The following OSTN variants were observed in gnomAD, a reference collection of about 807,000 sequenced individuals.
OSTN encodes the protein osteocrin.
Under a neutral mutation model 12.0 loss-of-function variants are expected in OSTN, and 9 were observed. The observed-to-expected ratio is 0.75, with a 90% CI of 0.45 to 1.30. The LOEUF (loss-of-function observed/expected upper bound fraction) is 1.30, where lower values mean the gene tolerates loss of function less well. Ranked by LOEUF, OSTN falls within the 50% of genes most tolerant of loss-of-function variation. OSTN has a pLI of 0.00. For missense variants in OSTN, 148 were observed against 152.3 expected (o/e 0.97, Z 0.15); for synonymous variants, 59 against 56.9 (o/e 1.04, Z -0.16).
At position 191,263,144 on chromosome 3, in the gene OSTN, T is replaced by C. The variant is rs1715849607; in HGVS notation, c.*291T>C. 1 of 374,572 alleles carries C rather than the reference T, an allele frequency of 2.7e-6. No individual in the cohort carries two copies. The highest frequency in any genetic ancestry group is 4.2e-5 in the Admixed American group (1 of 23,614). 23.2% of individuals were successfully genotyped at this position (374,572 alleles called of 1,614,324 possible). On this transcript the variant is annotated 3_prime_UTR_variant, in exon 5 of 5. Transcript: ENST00000682035. ...TTAAAAATAATAATTAAATACACAA[T>C]ACAGTGAAATGCCTTCTGTATGGAT...
At chr3:191,222,067 G>T (rs1247892622) in intron 3 of OSTN, among the ~76,000 whole-genome samples, 1 of 152,228 alleles carries the variant, frequency 6.6e-6, no homozygotes, top group Non-Finnish European at 1.5e-5. Flanking sequence ...AAGAATTGAG[G>T]TTCGCCAACT....
chr3:191,221,832 A>C (rs1714773005), intron 3 of OSTN, among the ~76,000 whole-genome samples: 1 of 152,258 alleles, frequency 6.6e-6, no homozygotes, highest in Non-Finnish European at 1.5e-5. Context: ...AGGGCATGTC[A>C]GAAGTCTTCA....
At chr3:191,254,973 G>A (rs542445301) in intron 4 of OSTN, among the ~76,000 whole-genome samples, 1 of 152,224 alleles carries the variant, frequency 6.6e-6, no homozygotes, top group South Asian at 2.1e-4. Flanking sequence ...AGATTCCTGG[G>A]CCTGTCAGAA....
At chr3:191,237,152 A>T (rs1715211259) in intron 3 of OSTN, among the ~76,000 whole-genome samples, 2 of 152,192 alleles carry the variant, frequency 1.3e-5, no homozygotes, top group African/African-American at 4.8e-5. Context: ...TCTAGGTTTT[A>T]CATGTGAAAT....
At chr3:191,241,340 G>T (rs879008778) in intron 3 of OSTN, among the ~76,000 whole-genome samples, 1 of 151,682 alleles carries the variant, frequency 6.6e-6, no homozygotes, top group African/African-American at 2.4e-5. Context: ...TCGCCAGCAC[G>T]CCCGGCTAAT....
chr3:191,243,743 T>C (rs147849099), intron 3 of OSTN, among the ~76,000 whole-genome samples: 31 of 152,254 alleles, frequency 2.0e-4, no homozygotes, highest in African/African-American at 7.2e-4. Context: ...CAAGTATACA[T>C]TATTATTAAC....
At chr3:191,250,212 GCTTAT>G in intron 4 of OSTN, 79 bp downstream of exon 4, 1 of 1,098,418 alleles carries the variant, frequency 9.1e-7, no homozygotes, top group Non-Finnish European at 1.4e-6. Flanking sequence ...ATCCATTCTT[GCTTAT>G]AAATCCCCCT....
At chr3:191,243,152 T>C (rs1383547242) in intron 3 of OSTN, among the ~76,000 whole-genome samples, 4 of 152,148 alleles carry the variant, frequency 2.6e-5, no homozygotes, top group Non-Finnish European at 4.4e-5. Flanking sequence ...AATCCCACAA[T>C]ACAAGGATTA....
At chr3:191,249,760 A>G (rs893206411) in intron 3 of OSTN, among the ~76,000 whole-genome samples, 2 of 152,196 alleles carry the variant, frequency 1.3e-5, no homozygotes, top group Non-Finnish European at 2.9e-5. Context: ...GTATGCTGAT[A>G]AGACCTGGCT....
intron 2 of OSTN, chr3:191,213,290 GT>G (rs970474632): frequency 1.3e-5 from 2 of 152,138 alleles, no homozygotes; most frequent in Admixed American, 6.6e-5. Context: ...AAAATCGGTA[GT>G]TTTTTATTGT....
At chr3:191,255,471 T>C (rs1211198491) in intron 4 of OSTN, among the ~76,000 whole-genome samples, 2 of 152,218 alleles carry the variant, frequency 1.3e-5, no homozygotes, top group African/African-American at 4.8e-5. Context: ...TCTGGACATT[T>C]CTAAAAATAT....
Position 191,250,230 on chromosome 3 carries a change from T to G in OSTN, c.*12+97T>G, listed in dbSNP as rs1166041687. On this transcript the variant is annotated intron_variant, in intron 4 of 4. Transcript: ENST00000682035. ...CATTCTTGCTTATAAATCCCCCTTT[T>G]GATTTCCTAGCTTATCAGTTCACTT... 4 of 924,934 alleles carry G rather than the reference T, an allele frequency of 4.3e-6. No individual in the cohort carries two copies. In the African/African-American group the frequency reaches 6.6e-5, roughly 15 times the overall value. 57.3% of individuals were successfully genotyped at this position (924,934 alleles called of 1,614,324 possible).
intron 3 of OSTN, among the ~76,000 whole-genome samples, chr3:191,222,725 C>T (rs952283764): frequency 6.6e-6 from 1 of 151,988 alleles, no homozygotes; most frequent in Non-Finnish European, 1.5e-5. Context: ...TGTCTGTGTC[C>T]CCATCCAAAT....
intron 3 of OSTN, among the ~76,000 whole-genome samples, chr3:191,222,415 T>G (rs1714790720): frequency 1.3e-5 from 2 of 152,232 alleles, no homozygotes; most frequent in African/African-American, 4.8e-5. Flanking sequence ...CCCCACTGGA[T>G]TTCAGACTTG....
At chr3:191,261,463 C>T (rs918718405) in intron 4 of OSTN, among the ~76,000 whole-genome samples, 1 of 152,046 alleles carries the variant, frequency 6.6e-6, no homozygotes, top group Non-Finnish European at 1.5e-5. Flanking sequence ...TAGATAAAAC[C>T]CAGCAGCCCT....
intron 3 of OSTN, among the ~76,000 whole-genome samples, chr3:191,234,948 A>T (rs1488472282): frequency 1.3e-5 from 2 of 152,168 alleles, no homozygotes; most frequent in Non-Finnish European, 2.9e-5. Context: ...GGGTGAGAAA[A>T]GGCAGCATAC....
At chr3:191,222,263 C>A (rs1714784852) in intron 3 of OSTN, among the ~76,000 whole-genome samples, 1 of 152,270 alleles carries the variant, frequency 6.6e-6, no homozygotes, top group Non-Finnish European at 1.5e-5. Context: ...TCCTGCAGAC[C>A]CCAGAATGGT....
At chr3:191,245,160 T>C (rs1715401462) in intron 3 of OSTN, among the ~76,000 whole-genome samples, 1 of 152,228 alleles carries the variant, frequency 6.6e-6, no homozygotes, top group Non-Finnish European at 1.5e-5. Flanking sequence ...GAAAAATTAG[T>C]ATCAGTTGAA....
At chr3:191,256,752 A>G (rs1715679400) in intron 4 of OSTN, among the ~76,000 whole-genome samples, 1 of 137,030 alleles carries the variant, frequency 7.3e-6, no homozygotes, top group Non-Finnish European at 1.5e-5. Context: ...TGTATTATTA[A>G]TGCTAAAGCT....
Sources: allele counts gnomAD v4.1 joint callset (sites outside exome capture counted in the v4.1 genomes callset), GRCh38; gene constraint gnomAD v4.1.1; transcripts MANE v1.5; gene names NCBI Gene and HGNC (gene_info 2026-07-23, HGNC 2026-07-21).